Variants in GRIP1 observed in about 807,000 individuals in gnomAD.
The protein encoded by GRIP1 is glutamate receptor-interacting protein 1.
GRIP1 carries 45 observed loss-of-function variants against 129.9 expected under a neutral mutation model. The ratio of observed to expected loss-of-function variants is 0.35; its 90% CI spans 0.27 to 0.44. The LOEUF (loss-of-function observed/expected upper bound fraction) is 0.44. Among genes scored for constraint, GRIP1 ranks in the 20% least tolerant of loss-of-function variants. GRIP1 has a pLI of 1.00. For synonymous variants in GRIP1, 530 were observed against 520.8 expected (o/e 1.02, Z -0.24); for missense variants, 1,196 against 1,396.8 (o/e 0.86, Z 2.29).
At chr12:66,787,974 A>G (rs1323703500) in intron 1 of GRIP1, among the ~76,000 whole-genome samples, 1 of 152,060 alleles carries the variant, frequency 6.6e-6, no homozygotes, top group Non-Finnish European at 1.5e-5. Flanking sequence ...CTCTGAGTTC[A>G]TATGATTTAG....
intron 2 of GRIP1, among the ~76,000 whole-genome samples, chr12:66,566,906 T>C (rs1299607457): frequency 6.6e-6 from 1 of 152,212 alleles, no homozygotes; most frequent in East Asian, 1.9e-4. Flanking sequence ...CTAGATTTTC[T>C]AGTTTATTTT....
chr12:66,542,180 TG>T (rs1175612263), intron 2 of GRIP1, among the ~76,000 whole-genome samples: 1 of 75,702 alleles, frequency 1.3e-5, no homozygotes, highest in Non-Finnish European at 2.5e-5. Flanking sequence ...CACTCCAGGT[TG>T]ACAATAGTCC....
At chr12:66,860,001 T>C (rs1260052411) in intron 1 of GRIP1, among the ~76,000 whole-genome samples, 1 of 152,090 alleles carries the variant, frequency 6.6e-6, no homozygotes, top group Admixed American at 6.6e-5. Context: ...CTCAGATGAC[T>C]CACATGCAAG....
At chr12:66,410,024 G>A (rs7398587) in intron 15 of GRIP1, among the ~76,000 whole-genome samples, 100,042 of 149,678 alleles carry the variant, frequency 0.67, 34,967 homozygotes, top group Non-Finnish European at 0.79. Context: ...GCCGAGGCGG[G>A]CGGATCACGA....
chr12:66,973,692 C>A (rs1179959343), intron 1 of GRIP1, among the ~76,000 whole-genome samples: 1 of 152,000 alleles, frequency 6.6e-6, no homozygotes, highest in Non-Finnish European at 1.5e-5. Context: ...CAGTAAAAGA[C>A]CACATATAAC....
chr12:66,829,014 C>T (rs2039468987), intron 1 of GRIP1, among the ~76,000 whole-genome samples: 1 of 152,096 alleles, frequency 6.6e-6, no homozygotes, highest in African/African-American at 2.4e-5. Context: ...TGAAAAAATG[C>T]CCACCTCCCC....
Position 67,031,930 on chromosome 12 carries a change from A to C in GRIP1, c.58+37120T>G, listed in dbSNP as rs559588024. Among the ~76,000 whole-genome samples, 20 of 152,216 alleles carry C rather than the reference A, an allele frequency of 1.3e-4. No homozygotes were observed. In the East Asian group the frequency reaches 3.9e-3, roughly 29 times the overall value. On this transcript the variant is annotated intron_variant, in intron 1 of 1. Transcript: ENST00000643019. ...TCAACTTGATTATTAAAGACTCCAA[A>C]CATACCCTGTATCTTCCCTCCTCCG... is the stretch of plus-strand genomic sequence containing the variant.
At chr12:66,860,771 T>C (rs1479753054) in intron 1 of GRIP1, among the ~76,000 whole-genome samples, 1 of 152,094 alleles carries the variant, frequency 6.6e-6, no homozygotes, top group Admixed American at 6.6e-5. Flanking sequence ...CGATACATAA[T>C]GTCTAGAGTG....
chr12:66,463,139 T>G, intron 8 of GRIP1, 46 bp from the exon 9 acceptor site: 1 of 1,463,552 alleles, frequency 6.8e-7, no homozygotes, highest in East Asian at 2.3e-5. Context: ...CCTTCCTCTT[T>G]GGAATCTGAC....
intron 1 of GRIP1, among the ~76,000 whole-genome samples, chr12:67,012,675 G>C (rs2042727706): frequency 6.6e-6 from 1 of 152,160 alleles, no homozygotes; most frequent in Admixed American, 6.6e-5. Flanking sequence ...AAGGTAAAGA[G>C]ACAGAACCAG....
intron 23 of GRIP1, among the ~76,000 whole-genome samples, chr12:66,356,724 A>G (rs765539313): frequency 2.6e-5 from 4 of 152,176 alleles, no homozygotes; most frequent in African/African-American, 4.8e-5. Context: ...TACATACTTC[A>G]GTATACACCT....
rs561159337 is a variant in GRIP1, at chr12:66,500,829, A to G, written c.724+14790T>C. 7.2e-5 allele frequency among the ~76,000 whole-genome samples: 11 copies of G among 152,350 alleles called. No individual in the cohort carries two copies. The South Asian group carries it at 2.3e-3, about 32-fold the overall frequency. ...TGCTACCAATAGAATGTCTTCAGGT[A>G]GTAAGAACTAGGTGTTACAGAAAGA... On this transcript the variant is annotated intron_variant, in intron 7 of 24. Coordinates refer to ENST00000359742, the MANE Select transcript of GRIP1 (RefSeq NM_001366722.1).
intron 1 of GRIP1, among the ~76,000 whole-genome samples, chr12:66,936,370 G>A (rs1384598711): frequency 6.7e-6 from 1 of 148,306 alleles, no homozygotes; most frequent in Non-Finnish European, 1.5e-5. Context: ...AGGCTGCAGT[G>A]AGCCATGATC....
intron 1 of GRIP1, among the ~76,000 whole-genome samples, chr12:67,059,592 T>C (rs10748064): frequency 0.96 from 146,491 of 152,334 alleles, 70,721 homozygotes; most frequent in East Asian, 1. Flanking sequence ...TAGAGACTAA[T>C]GTGTTCTTAA....
chr12:66,423,947 C>T (rs1316644609), intron 14 of GRIP1, among the ~76,000 whole-genome samples: 7 of 152,092 alleles, frequency 4.6e-5, no homozygotes, highest in African/African-American at 7.2e-5. Context: ...GAAAGCCTGA[C>T]AAAAAAGAGC....
chr12:67,058,990 A>G (rs972760386), intron 1 of GRIP1, among the ~76,000 whole-genome samples: 2 of 152,230 alleles, frequency 1.3e-5, no homozygotes, highest in Non-Finnish European at 2.9e-5. Context: ...AGAAGAACTA[A>G]CATCTGTGTA....
At chr12:66,914,458 T>C (rs1281140523) in intron 1 of GRIP1, among the ~76,000 whole-genome samples, 1 of 152,228 alleles carries the variant, frequency 6.6e-6, no homozygotes, top group Non-Finnish European at 1.5e-5. Flanking sequence ...ATAACTGTGA[T>C]GTAGATATTA....
At chr12:66,755,234 A>G (rs1435402851) in intron 1 of GRIP1, among the ~76,000 whole-genome samples, 1 of 152,196 alleles carries the variant, frequency 6.6e-6, no homozygotes, top group African/African-American at 2.4e-5. Context: ...CAAGCCTTTA[A>G]TATTTTTTTA....
intron 2 of GRIP1, among the ~76,000 whole-genome samples, chr12:66,587,129 C>T (rs1263190148): frequency 1.3e-5 from 2 of 152,190 alleles, no homozygotes; most frequent in African/African-American, 4.8e-5. Context: ...AACCTCCTCT[C>T]TCTTTTCTTG....
Sources: allele counts gnomAD v4.1 joint callset (sites outside exome capture counted in the v4.1 genomes callset), GRCh38; gene constraint gnomAD v4.1.1; transcripts MANE v1.5; gene names NCBI Gene and HGNC (gene_info 2026-07-23, HGNC 2026-07-21).